Variants in WWOX observed in about 807,000 individuals in gnomAD.
The protein encoded by WWOX is WW domain-containing oxidoreductase.
WWOX carries 69 observed loss-of-function variants against 46.2 expected under a neutral mutation model. That is an observed-to-expected ratio of 1.49 (90% CI 1.23 to 1.82). The LOEUF (loss-of-function observed/expected upper bound fraction) is 1.82. WWOX is among the 40% of genes most tolerant of loss of function. The probability of loss-of-function intolerance (pLI) is 0.00; values close to 1 mark genes in which losing one functional copy is unlikely to be tolerated. For missense variants in WWOX, 919 were observed against 542.6 expected, an observed-to-expected ratio of 1.69 and a Z score of -6.89; for synonymous variants, 359 against 202.6, an observed-to-expected ratio of 1.77 and a Z score of -6.56.
At chr16:78,593,444 C>T (rs2151605614) in intron 8 of WWOX, among the ~76,000 whole-genome samples, 2 of 152,310 alleles carry the variant, frequency 1.3e-5, no homozygotes, top group South Asian at 4.2e-4. Context: ...CACCTGTCTT[C>T]CTCTTCAGGA....
intron 8 of WWOX, among the ~76,000 whole-genome samples, chr16:78,616,232 T>C (rs1000955197): frequency 6.6e-6 from 1 of 151,346 alleles, no homozygotes; most frequent in East Asian, 1.9e-4. Context: ...TTTTTTTTAA[T>C]TATATAAGCA....
At position 78,587,183 on chromosome 16, in the gene WWOX, G is replaced by A. The variant is rs541934333; in HGVS notation, c.1056+154431G>A. Among the ~76,000 whole-genome samples the A allele has an allele frequency of 3.6e-5, 5 of 138,590 alleles. No individual in the cohort carries two copies. In the East Asian group the frequency reaches 1.1e-3, roughly 29 times the overall value. 90.9% of individuals were successfully genotyped at this position (138,590 alleles called of 152,430 possible). A position where few individuals can be genotyped will look rare whatever the true frequency, so the allele number is the denominator to read the frequency against. On this transcript the variant is annotated intron_variant, in intron 8 of 8. Coordinates refer to ENST00000566780, the MANE Select transcript of WWOX (RefSeq NM_016373.4). ...TGGAACCACAAGCAGATGCCACCAT[G>A]CCTGGCTAACTTTTTTTTTTTTTTT...
intron 8 of WWOX, among the ~76,000 whole-genome samples, chr16:79,113,790 A>G (rs1308772101): frequency 6.6e-6 from 1 of 152,220 alleles, no homozygotes; most frequent in Admixed American, 6.5e-5. Flanking sequence ...GGCAAAGGAG[A>G]GATTTCCAGG....
chr16:78,482,284 A>G (rs1293565979), intron 8 of WWOX, among the ~76,000 whole-genome samples: 3 of 152,224 alleles, frequency 2.0e-5, no homozygotes, highest in East Asian at 3.9e-4. Flanking sequence ...TGGCCAGGCT[A>G]GAGTGCAGTG....
rs1048495280 is a variant in WWOX at position 79,211,894 on chromosome 16, G to C, written c.*98G>C. The C allele has an allele frequency of 3.2e-6, 5 of 1,566,212 alleles. No homozygotes were observed. Among genetic ancestry groups the C allele is most frequent in the Non-Finnish European group, 4.3e-6 (5 of 1,159,380 alleles). ...CCCTTCCAAATGTCCCTCCAACACAGATCCGCAAGAGTAAAGGAAATAAGA... is the reference window on the plus strand; with the variant it reads ...CCCTTCCAAATGTCCCTCCAACACACATCCGCAAGAGTAAAGGAAATAAGA... On this transcript the variant is annotated 3_prime_UTR_variant, in exon 9 of 9. Transcript: ENST00000566780.
intron 5 of WWOX, among the ~76,000 whole-genome samples, chr16:78,214,145 G>T (rs906964430): frequency 4.9e-4 from 74 of 152,122 alleles, no homozygotes; most frequent in African/African-American, 1.7e-3. Context: ...CCACATTGCA[G>T]ACTGACCCCC....
intron 8 of WWOX, among the ~76,000 whole-genome samples, chr16:78,889,858 A>G (rs543949586): frequency 6.6e-6 from 1 of 152,164 alleles, no homozygotes; most frequent in Non-Finnish European, 1.5e-5. Flanking sequence ...GTATCTGGAG[A>G]AAGTCCATAG....
chr16:78,420,754 G>A (rs2082908489), intron 6 of WWOX, among the ~76,000 whole-genome samples: 1 of 151,408 alleles, frequency 6.6e-6, no homozygotes, highest in African/African-American at 2.4e-5. Context: ...AGTATACATA[G>A]GTAGATTTTA....
At chr16:78,705,838 T>C (rs2048317246) in intron 8 of WWOX, among the ~76,000 whole-genome samples, 1 of 152,176 alleles carries the variant, frequency 6.6e-6, no homozygotes, top group Non-Finnish European at 1.5e-5. Context: ...TTCCTATTCC[T>C]ACAATTCTGG....
At chr16:79,000,171 C>T (rs1234300326) in intron 8 of WWOX, among the ~76,000 whole-genome samples, 2 of 152,206 alleles carry the variant, frequency 1.3e-5, no homozygotes, top group Non-Finnish European at 2.9e-5. Context: ...TGCACCCCTT[C>T]ACTGGGCTCC....
At chr16:78,281,809 T>C (rs2079684163) in intron 5 of WWOX, among the ~76,000 whole-genome samples, 1 of 152,218 alleles carries the variant, frequency 6.6e-6, no homozygotes, top group South Asian at 2.1e-4. Context: ...GCCCAGCGGT[T>C]ATAGTTTGCC....
intron 4 of WWOX, among the ~76,000 whole-genome samples, chr16:78,149,267 A>G (rs1184405305): frequency 6.6e-6 from 1 of 152,206 alleles, no homozygotes; most frequent in African/African-American, 2.4e-5. Flanking sequence ...TGGTGTAAAG[A>G]TCATTTTTTA....
chr16:78,776,535 T>C (rs1309567862), intron 8 of WWOX, among the ~76,000 whole-genome samples: 2 of 152,184 alleles, frequency 1.3e-5, no homozygotes, highest in South Asian at 2.1e-4. Flanking sequence ...ATGACCTGTT[T>C]AGCAGCAGCA....
At chr16:78,768,611 C>T (rs1285850809) in intron 8 of WWOX, among the ~76,000 whole-genome samples, 1 of 150,374 alleles carries the variant, frequency 6.7e-6, no homozygotes, top group East Asian at 2.0e-4. Flanking sequence ...AAAAAAAAGG[C>T]TTTGGAGCTT....
At chr16:79,166,856 A>C (rs1442800392) in intron 8 of WWOX, among the ~76,000 whole-genome samples, 1 of 152,214 alleles carries the variant, frequency 6.6e-6, no homozygotes, top group East Asian at 1.9e-4. Flanking sequence ...CCATGTATTA[A>C]TTCTTTAGTG....
At chr16:78,171,984 G>T (rs914351456) in intron 5 of WWOX, among the ~76,000 whole-genome samples, 4 of 152,114 alleles carry the variant, frequency 2.6e-5, no homozygotes, top group African/African-American at 9.7e-5. Context: ...TTTATATTAT[G>T]TGTGAAACCC....
chr16:78,227,171 CA>C (rs1454807052), intron 5 of WWOX, among the ~76,000 whole-genome samples: 1 of 152,198 alleles, frequency 6.6e-6, no homozygotes, highest in Non-Finnish European at 1.5e-5. Context: ...CTTTCCTGTT[CA>C]TTACTCTTTT....
intron 8 of WWOX, among the ~76,000 whole-genome samples, chr16:78,574,102 CTGGAGGT>C: frequency 6.6e-6 from 1 of 152,288 alleles, no homozygotes; most frequent in African/African-American, 2.4e-5. Flanking sequence ...TGGCTGTTGG[CTGGAGGT>C]ACCCCTCAGC....
chr16:78,629,886 TAAG>T (rs996763220), intron 8 of WWOX, among the ~76,000 whole-genome samples: 23 of 152,350 alleles, frequency 1.5e-4, no homozygotes, highest in Non-Finnish European at 4.4e-5. Flanking sequence ...GAAAATTATC[TAAG>T]AAGTAGATTT....
Sources: gnomAD v4.1 joint callset for allele counts (sites outside exome capture counted in the v4.1 genomes callset) on GRCh38, gnomAD v4.1.1 for gene constraint, MANE v1.5 for transcripts, NCBI Gene and HGNC (gene_info 2026-07-23, HGNC 2026-07-21) for gene names.